Variants in PIGU observed in about 807,000 individuals in gnomAD.
PIGU encodes GPI-anchor transamidase component PIGU.
Under a neutral mutation model 49.9 loss-of-function variants are expected in PIGU, and 24 were observed. That is an observed-to-expected ratio of 0.48 (90% CI 0.35 to 0.68). The LOEUF is 0.68. Ranked by LOEUF, PIGU falls within the 30% of genes least tolerant of loss-of-function variation. The pLI is 0.01. For synonymous variants in PIGU, 220 were observed against 205.7 expected, an observed-to-expected ratio of 1.07 and a Z score of -0.59; for missense variants, 490 against 532.6, an observed-to-expected ratio of 0.92 and a Z score of 0.79.
intron 1 of PIGU, among the ~76,000 whole-genome samples, chr20:34,666,980 G>C (rs889140685): frequency 6.6e-6 from 1 of 151,976 alleles, no homozygotes; most frequent in Non-Finnish European, 1.5e-5. Context: ...TTACAGGCGT[G>C]AGCCACCGCG....
intron 11 of PIGU, among the ~76,000 whole-genome samples, chr20:34,567,853 T>C (rs1247507995): frequency 2.0e-5 from 3 of 151,498 alleles, no homozygotes. Context: ...CACCCAGGTC[T>C]TGCTACCTAA....
intron 1 of PIGU, among the ~76,000 whole-genome samples, chr20:34,669,479 C>G (rs1987235775): frequency 6.6e-6 from 1 of 151,922 alleles, no homozygotes; most frequent in African/African-American, 2.4e-5. Flanking sequence ...CCAGCCTGAC[C>G]AACATGGTGA....
chr20:34,656,175 C>G (rs1348043447), intron 2 of PIGU, among the ~76,000 whole-genome samples: 1 of 118,180 alleles, frequency 8.5e-6, no homozygotes, highest in South Asian at 2.4e-4. Flanking sequence ...GGGTTTACCA[C>G]GTTGGCCAGG....
At chr20:34,638,173 T>C (rs1448186582) in intron 4 of PIGU, among the ~76,000 whole-genome samples, 188 bp from the exon 5 acceptor site, 1 of 152,202 alleles carries the variant, frequency 6.6e-6, no homozygotes, top group African/African-American at 2.4e-5. Flanking sequence ...ATGAACATGC[T>C]GTGTCCCTCC....
At chr20:34,588,674 C>T in intron 7 of PIGU, 67 bp from the exon 8 acceptor site, 1 of 1,457,248 alleles carries the variant, frequency 6.9e-7, no homozygotes, top group East Asian at 2.3e-5. Flanking sequence ...TTAGCTTACA[C>T]TTAAAGATCC....
rs1336773504 is a variant in PIGU, at chr20:34,592,184, G to A, written c.628-3577C>T. Among the ~76,000 whole-genome samples the A allele has an allele frequency of 3.5e-5, 5 of 143,814 alleles. 1 individual carries two copies. In the South Asian group the frequency reaches 6.6e-4, roughly 19 times the overall value. 94.3% of individuals were successfully genotyped at this position (143,814 alleles called of 152,430 possible). A position where few individuals can be genotyped will look rare whatever the true frequency, so the allele number is the denominator to read the frequency against. On this transcript the variant is annotated intron_variant, in intron 7 of 11. Transcript: ENST00000217446. ...AGCCTGGGTGACACAGCAAGACTCC[G>A]TCTCAAAAAAAAAAAAAAGAAATAT...
At chr20:34,564,782 T>TATA (rs1982674198) in intron 11 of PIGU, among the ~76,000 whole-genome samples, 1 of 152,230 alleles carries the variant, frequency 6.6e-6, no homozygotes, top group Admixed American at 6.5e-5. Flanking sequence ...GGTGGGTATG[T>TATA]ATATGGGTGT....
intron 2 of PIGU, among the ~76,000 whole-genome samples, chr20:34,648,550 T>C (rs1478956782): frequency 6.6e-6 from 1 of 152,116 alleles, no homozygotes; most frequent in Non-Finnish European, 1.5e-5. Context: ...TTGTTTTTGT[T>C]TTTGGGGTTT....
rs369659306 is a variant in PIGU at position 34,640,729 on chromosome 20, G to A, written c.319-2744C>T. ...ATCACTAATCAGCTTGTAGACAGAT[G>A]GTATGCTTTTCCATATGTAAGTTAT... On this transcript the variant is annotated intron_variant, in intron 4 of 11. Transcript: ENST00000217446. Among the ~76,000 whole-genome samples, 7 of 152,030 alleles carry A rather than the reference G, an allele frequency of 4.6e-5. No homozygotes were observed. The East Asian group carries it at 1.3e-3, about 29-fold the overall frequency.
At chr20:34,605,686 C>T (rs1481733535) in intron 7 of PIGU, among the ~76,000 whole-genome samples, 2 of 152,300 alleles carry the variant, frequency 1.3e-5, no homozygotes, top group Admixed American at 1.3e-4. Context: ...CAAATGAAGA[C>T]ATCAGAGCCT....
At chr20:34,601,254 T>C (rs1600617687) in intron 7 of PIGU, among the ~76,000 whole-genome samples, 1 of 152,170 alleles carries the variant, frequency 6.6e-6, no homozygotes, top group South Asian at 2.1e-4. Context: ...CAATAAATTT[T>C]AAGTATAATT....
intron 6 of PIGU, among the ~76,000 whole-genome samples, chr20:34,616,697 G>A (rs1985022420): frequency 6.6e-6 from 1 of 152,024 alleles, no homozygotes; most frequent in Non-Finnish European, 1.5e-5. Context: ...CATTAAACAT[G>A]AGGCTATTAA....
chr20:34,575,387 G>T (rs1487467426), intron 10 of PIGU, 141 bp from the exon 11 acceptor site: 1 of 958,760 alleles, frequency 1.0e-6, no homozygotes, highest in Non-Finnish European at 1.5e-6. Context: ...GTACTGGGGT[G>T]CCAAGAAGCA....
At chr20:34,627,209 G>A (rs1199613861) in intron 6 of PIGU, among the ~76,000 whole-genome samples, 1 of 152,118 alleles carries the variant, frequency 6.6e-6, no homozygotes, top group East Asian at 1.9e-4. Context: ...AACTGAAGTG[G>A]ACATGCAGCA....
chr20:34,671,923 C>CA lies in PIGU; in HGVS notation c.130+5032dup, dbSNP rs55857477. Among the ~76,000 whole-genome samples the CA allele has an allele frequency of 3.2e-3, 463 of 143,406 alleles. 1 individual carries two copies. Among genetic ancestry groups the CA allele is most frequent in the African/African-American group, 0.01 (399 of 39,316 alleles). 94.1% of individuals were successfully genotyped at this position (143,406 alleles called of 152,430 possible). ...GGGCAACAAGAGTGAAACTCCTTCT[C>CA]AAAAAAAAAAAAATTTTCTTTTTTT... On this transcript the variant is annotated intron_variant, in intron 1 of 11. Transcript: ENST00000217446.
chr20:34,658,751 G>A (rs998210821), intron 1 of PIGU, among the ~76,000 whole-genome samples: 8 of 149,870 alleles, frequency 5.3e-5, no homozygotes, highest in Admixed American at 3.3e-4. Context: ...GAGCCCCTCC[G>A]CCCGGCAGCC....
intron 11 of PIGU, among the ~76,000 whole-genome samples, chr20:34,569,588 T>C (rs1192420972): frequency 6.6e-6 from 1 of 152,166 alleles, no homozygotes; most frequent in African/African-American, 2.4e-5. Context: ...GCTTTAGATG[T>C]AGACACAGGG....
intron 3 of PIGU, among the ~76,000 whole-genome samples, chr20:34,644,568 C>T (rs866957384): frequency 4.5e-4 from 68 of 152,138 alleles, no homozygotes; most frequent in African/African-American, 1.6e-3. Flanking sequence ...CACAGTAGGT[C>T]CTCAATAAAT....
intron 2 of PIGU, 32 bp downstream of exon 2, chr20:34,657,148 T>C: frequency 6.5e-7 from 1 of 1,534,096 alleles, no homozygotes. Context: ...AAACTACTCT[T>C]GGTACCCAGA....
Sources: allele counts gnomAD v4.1 joint callset (sites outside exome capture counted in the v4.1 genomes callset), GRCh38; gene constraint gnomAD v4.1.1; transcripts MANE v1.5; gene names NCBI Gene and HGNC (gene_info 2026-07-23, HGNC 2026-07-21).